The following SHB variants were observed in gnomAD, a reference collection of about 807,000 sequenced individuals.
The protein encoded by SHB is SH2 domain-containing adapter protein B.
Under a neutral mutation model 52.3 loss-of-function variants are expected in SHB, and 20 were observed. That is an observed-to-expected ratio of 0.38 (90% CI 0.27 to 0.56). The LOEUF is 0.56. SHB is among the 20% of genes least tolerant of loss of function. The pLI, the probability that SHB is intolerant of heterozygous loss-of-function variation, is 0.71. For missense variants in SHB, 825 were observed against 723.3 expected, an observed-to-expected ratio of 1.14 and a Z score of -1.61; for synonymous variants, 397 against 316.5, an observed-to-expected ratio of 1.25 and a Z score of -2.70.
chr9:37,966,393 TC>T (rs1820522115), intron 3 of SHB, among the ~76,000 whole-genome samples: 1 of 152,186 alleles, frequency 6.6e-6, no homozygotes, highest in Non-Finnish European at 1.5e-5. Flanking sequence ...GGTGTTTTTT[TC>T]CTCTCCTTTT....
At chr9:38,056,673 G>A (rs1010282794) in intron 1 of SHB, among the ~76,000 whole-genome samples, 2 of 152,210 alleles carry the variant, frequency 1.3e-5, no homozygotes, top group Admixed American at 6.5e-5. Flanking sequence ...AATCATGAAG[G>A]TGGAGACTGA....
Position 38,067,984 on chromosome 9 carries a change from A to G in SHB, c.662T>C (p.Leu221Pro), listed in dbSNP as rs906143425. 6 of 1,550,776 alleles carry G rather than the reference A, an allele frequency of 3.9e-6. No individual in the cohort carries two copies. The South Asian group carries it at 5.9e-5, about 15-fold the overall frequency. ...CGCGGCTGAGGCGGCGCACTTGTTG[A>G]GCAGTTTCTTGCCTCCGCAGGCCGT... ...SPTACGGKKL[L>P]NKCAASAAEE... The change falls in exon 1 of 6, where the codon CTC (leucine) becomes CCC (proline). Residue 221 changes from leucine (L) to proline (P), a missense_variant. Transcript: ENST00000377707.
chr9:37,966,823 A>G (rs1439420557), intron 3 of SHB, among the ~76,000 whole-genome samples: 1 of 152,218 alleles, frequency 6.6e-6, no homozygotes, highest in Non-Finnish European at 1.5e-5. Context: ...AAGATGAGTC[A>G]CATAGCTTGG....
intron 2 of SHB, among the ~76,000 whole-genome samples, chr9:38,006,007 C>G (rs1587240342): frequency 1.3e-5 from 2 of 152,162 alleles, no homozygotes; most frequent in South Asian, 4.1e-4. Context: ...CTGCTCCCAC[C>G]TCAAAGGTGA....
chr9:38,018,143 G>C (rs569546852), intron 1 of SHB, among the ~76,000 whole-genome samples: 8 of 152,080 alleles, frequency 5.3e-5, no homozygotes, highest in African/African-American at 1.9e-4. Flanking sequence ...AAAATCATTT[G>C]GGGGGATTTG....
chr9:38,037,791 C>T (rs1821507687), intron 1 of SHB, among the ~76,000 whole-genome samples: 1 of 152,170 alleles, frequency 6.6e-6, no homozygotes, highest in Non-Finnish European at 1.5e-5. Flanking sequence ...AGATCCTGTG[C>T]TGGGCTCTGG....
At chr9:37,922,860 G>A (rs1319000813) in intron 5 of SHB, among the ~76,000 whole-genome samples, 1 of 152,128 alleles carries the variant, frequency 6.6e-6, no homozygotes, top group African/African-American at 2.4e-5. Context: ...GACCCTGGGG[G>A]GTACTTCCAG....
chr9:38,032,574 G>T (rs1012569557), intron 1 of SHB, among the ~76,000 whole-genome samples: 3 of 152,168 alleles, frequency 2.0e-5, no homozygotes, highest in African/African-American at 7.2e-5. Context: ...TTCCTCAGCT[G>T]CCCTGTGACT....
chr9:37,972,985 T>G (rs1249322108), intron 3 of SHB, among the ~76,000 whole-genome samples: 1 of 152,212 alleles, frequency 6.6e-6, no homozygotes, highest in African/African-American at 2.4e-5. Context: ...ACTCACTGTC[T>G]CTCTTTTTAC....
chr9:38,014,448 G>A (rs1186824609), intron 2 of SHB, among the ~76,000 whole-genome samples: 1 of 152,250 alleles, frequency 6.6e-6, no homozygotes, highest in African/African-American at 2.4e-5. Flanking sequence ...TTGTCGCAGG[G>A]CCCAGGCATG....
At chr9:38,064,185 C>T (rs977537808) in intron 1 of SHB, among the ~76,000 whole-genome samples, 5 of 151,796 alleles carry the variant, frequency 3.3e-5, no homozygotes, top group South Asian at 2.1e-4. Context: ...GGGACCTCAC[C>T]GTCTCTCACC....
chr9:38,005,038 G>T lies in SHB; in HGVS notation c.838+10973C>A, dbSNP rs569552200. 5.9e-5 allele frequency among the ~76,000 whole-genome samples: 9 copies of T among 152,304 alleles called. No homozygotes were observed. The South Asian group carries it at 1.9e-3, about 32-fold the overall frequency. ...TCCAGGCCAAAACCTCAAACACAGG[G>T]CACCGACAGTCTGAGCACAAGACAC... is the stretch of plus-strand genomic sequence containing the variant. On this transcript the variant is annotated intron_variant, in intron 2 of 5. Transcript: ENST00000377707.
rs1188837197 is a variant in SHB, at chr9:38,036,456, C to T, written c.718-20325G>A. Among the ~76,000 whole-genome samples, 6 of 152,234 alleles carry T rather than the reference C, an allele frequency of 3.9e-5. No individual in the cohort carries two copies. In the East Asian group the frequency reaches 9.6e-4, roughly 24 times the overall value. ...CCACTAAAGACTTGCCAAAACGTGC[C>T]GCCTGCCTAGAGCTCTGCCCACGCA... On this transcript the variant is annotated intron_variant, in intron 1 of 5. Transcript: ENST00000377707.
intron 1 of SHB, among the ~76,000 whole-genome samples, chr9:38,047,526 A>G (rs987949719): frequency 2.0e-5 from 3 of 152,254 alleles, no homozygotes; most frequent in East Asian, 1.9e-4. Flanking sequence ...GAAAACTGCA[A>G]TCTGGCTCTG....
chr9:38,027,794 C>T (rs1195985611), intron 1 of SHB, among the ~76,000 whole-genome samples: 3 of 151,964 alleles, frequency 2.0e-5, no homozygotes, highest in South Asian at 2.1e-4. Flanking sequence ...GAAAAGCCCT[C>T]GGGCACAGAG....
At chr9:38,000,111 C>T (rs1820993565) in intron 2 of SHB, among the ~76,000 whole-genome samples, 1 of 152,192 alleles carries the variant, frequency 6.6e-6, no homozygotes. Flanking sequence ...TTCAAGGAGA[C>T]AACAGAACGG....
At chr9:37,928,518 A>T (rs777684796) in intron 5 of SHB, among the ~76,000 whole-genome samples, 3 of 152,208 alleles carry the variant, frequency 2.0e-5, no homozygotes, top group Non-Finnish European at 4.4e-5. Context: ...AAGTAAGAGG[A>T]GGCCAGGGAC....
At chr9:38,054,140 C>T (rs1821783675) in intron 1 of SHB, among the ~76,000 whole-genome samples, 1 of 152,244 alleles carries the variant, frequency 6.6e-6, no homozygotes, top group African/African-American at 2.4e-5. Context: ...AGGATTTGAG[C>T]TCTGGACTTC....
intron 5 of SHB, among the ~76,000 whole-genome samples, chr9:37,926,506 C>G (rs900267141): frequency 6.6e-6 from 1 of 152,138 alleles, no homozygotes; most frequent in African/African-American, 2.4e-5. Flanking sequence ...GGTGGGGAAA[C>G]AGAGTCAGAG....
Sources: gnomAD v4.1 joint callset for allele counts (sites outside exome capture counted in the v4.1 genomes callset) on GRCh38, gnomAD v4.1.1 for gene constraint, MANE v1.5 for transcripts, NCBI Gene and HGNC (gene_info 2026-07-23, HGNC 2026-07-21) for gene names.